Variants in SLCO3A1 observed in about 807,000 individuals in gnomAD.
SLCO3A1 encodes solute carrier organic anion transporter family member 3A1.
A neutral mutation model predicts 63.1 loss-of-function variants in SLCO3A1; 27 were observed. That is an observed-to-expected ratio of 0.43 (90% CI 0.32 to 0.59). SLCO3A1 has a LOEUF of 0.59. Among genes scored for constraint, SLCO3A1 ranks in the 20% least tolerant of loss-of-function variants. The pLI is 0.09. For synonymous variants in SLCO3A1, 473 were observed against 409.9 expected, an observed-to-expected ratio of 1.15 and a Z score of -1.86; for missense variants, 773 against 945.8, an observed-to-expected ratio of 0.82 and a Z score of 2.40.
rs1039243400 is a variant in SLCO3A1 at position 92,126,259 on chromosome 15, G to T, written c.1373G>T (p.Ser458Ile). Residue 458 changes from serine to isoleucine, a missense_variant and splice_region_variant, in exon 6 of 10, where the codon AGC becomes ATC. Physicochemically the swap from Ser to Ile is moderately radical, Grantham distance 142 (BLOSUM62 -2). Around this residue, in one of 3 missense-constraint regions of SLCO3A1, gnomAD observed 565 missense variants for 749.8 expected, o/e 0.75. Coordinates refer to ENST00000318445, the MANE Select transcript of SLCO3A1 (RefSeq NM_013272.4). ...GGGGTTACTGTTCCCTATGGAAACAGGTGAGTACTGGCAGTGTCTGCCGCC... is the reference window on the plus strand; with the variant it reads ...GGGGTTACTGTTCCCTATGGAAACATGTGAGTACTGGCAGTGTCTGCCGCC... ...VAGVTVPYGN[S>I]TAPGSALDPY... 1 of 1,613,576 alleles carries T rather than the reference G, an allele frequency of 6.2e-7. No individual in the cohort carries two copies. Among genetic ancestry groups the T allele is most frequent in the African/African-American group, 1.3e-5 (1 of 74,880 alleles).
intron 3 of SLCO3A1, among the ~76,000 whole-genome samples, chr15:92,095,633 T>C (rs1181993349): frequency 6.6e-6 from 1 of 152,258 alleles, no homozygotes; most frequent in Non-Finnish European, 1.5e-5. Flanking sequence ...TAGACTATTC[T>C]GTGGTGACAG....
chr15:91,938,487 T>TTTG (rs1290386334), intron 2 of SLCO3A1, among the ~76,000 whole-genome samples: 3 of 151,886 alleles, frequency 2.0e-5, no homozygotes, highest in African/African-American at 7.3e-5. Flanking sequence ...TTTTTGTTTT[T>TTTG]TTTTTTTTTT....
rs554528058 is a variant in SLCO3A1 at position 91,890,959 on chromosome 15, C to A, written c.181-25034C>A. Among the ~76,000 whole-genome samples, 3 of 152,240 alleles carry A rather than the reference C, an allele frequency of 2.0e-5. No individual in the cohort carries two copies. The East Asian group carries it at 5.8e-4, about 29-fold the overall frequency. ...TATGATAATATCACAATAATTGCCA[C>A]GTAATGTGTGCATTCTGTCAGAAAA... On this transcript the variant is annotated intron_variant, in intron 1 of 9. Transcript: ENST00000318445.
rs1898125502 is a variant in SLCO3A1 at position 91,900,478 on chromosome 15, T to A, written c.181-15515T>A. ...CCCAGTAGCTGGGATTACAGGTGCA[T>A]GCCACTGTGCCCGGCTAATTTTTGT... On this transcript the variant is annotated intron_variant, in intron 1 of 9. Transcript: ENST00000318445. This position sits in a 1 kb window ranked among gnomAD's most constrained non-coding sequence, Gnocchi z 4.3. 6.6e-6 allele frequency among the ~76,000 whole-genome samples: 1 copy of A among 152,126 alleles called. No homozygotes were observed. The highest frequency in any genetic ancestry group is 1.5e-5 in the Non-Finnish European group (1 of 68,008).
intron 2 of SLCO3A1, among the ~76,000 whole-genome samples, chr15:92,092,014 A>T (rs2047483598): frequency 6.6e-6 from 1 of 152,102 alleles, no homozygotes; most frequent in South Asian, 2.1e-4. Context: ...ATCCCCAGTC[A>T]CTGGCCCATC....
Position 91,862,669 on chromosome 15 carries a change from A to G in SLCO3A1, c.180+8581A>G, listed in dbSNP as rs1897076575. ...TTGTGCAGAGCGTGAAGAAATGAGC[A>G]GGGGCTGATGAGGCTTTTAACAAAT... On this transcript the variant is annotated intron_variant, in intron 1 of 9. Transcript: ENST00000318445. The surrounding 1 kb of genome is among the most constrained non-coding windows in gnomAD (Gnocchi z 4.0). Among the ~76,000 whole-genome samples, 1 of 152,244 alleles carries G rather than the reference A, an allele frequency of 6.6e-6. No homozygotes were observed. The highest frequency in any genetic ancestry group is 2.4e-5 in the African/African-American group (1 of 41,460).
At chr15:91,973,437 A>T (rs1900960789) in intron 2 of SLCO3A1, among the ~76,000 whole-genome samples, 7 of 152,216 alleles carry the variant, frequency 4.6e-5, no homozygotes, top group Admixed American at 4.6e-4. Flanking sequence ...TCAAGATACA[A>T]TTATCTTTAG....
chr15:91,898,294 G>A (rs1313339250), intron 1 of SLCO3A1, among the ~76,000 whole-genome samples: 3 of 152,298 alleles, frequency 2.0e-5, no homozygotes, highest in South Asian at 4.1e-4. Flanking sequence ...TATTCTAGAC[G>A]CTTGAGATCA....
rs74030468 is a variant in SLCO3A1 at position 92,077,302 on chromosome 15, G to A, written c.647-17579G>A. On this transcript the variant is annotated intron_variant, in intron 2 of 9. Coordinates refer to ENST00000318445, the MANE Select transcript of SLCO3A1 (RefSeq NM_013272.4). ...GTCCTTCTATTACCCTGTGGTTGGG[G>A]TAATAGCAGGCCTCCCTTCCCTTCT... Among the ~76,000 whole-genome samples, 4 of 152,230 alleles carry A rather than the reference G, an allele frequency of 2.6e-5. No individual in the cohort carries two copies. The East Asian group carries it at 5.8e-4, about 22-fold the overall frequency.
At chr15:91,995,746 A>C (rs1000929167) in intron 2 of SLCO3A1, among the ~76,000 whole-genome samples, 3 of 151,878 alleles carry the variant, frequency 2.0e-5, no homozygotes, top group Non-Finnish European at 2.9e-5. Context: ...AAAAAAAAAA[A>C]AAAAAACTTG....
chr15:92,076,215 G>A (rs577205594), intron 2 of SLCO3A1, among the ~76,000 whole-genome samples: 1 of 152,318 alleles, frequency 6.6e-6, no homozygotes, highest in East Asian at 1.9e-4. Flanking sequence ...CAAAACCCAT[G>A]GTGTAGGGGC....
chr15:92,157,996 A>T (rs1038261952), intron 9 of SLCO3A1, among the ~76,000 whole-genome samples: 1 of 152,174 alleles, frequency 6.6e-6, no homozygotes, highest in Non-Finnish European at 1.5e-5. Flanking sequence ...CCTCCCAGTC[A>T]CCAAAACTCC....
At chr15:91,921,226 C>T (rs1898833566) in intron 2 of SLCO3A1, among the ~76,000 whole-genome samples, 1 of 152,290 alleles carries the variant, frequency 6.6e-6, no homozygotes, top group South Asian at 2.1e-4. Flanking sequence ...CATACACATC[C>T]CTGGTCTCTC....
chr15:91,887,641 A>G (rs1055142098), intron 1 of SLCO3A1, among the ~76,000 whole-genome samples: 2 of 152,154 alleles, frequency 1.3e-5, no homozygotes, highest in Non-Finnish European at 2.9e-5. Context: ...TAATAAACAG[A>G]TTTCAATCCT....
At chr15:91,984,976 TAGAG>T (rs1191725275) in intron 2 of SLCO3A1, among the ~76,000 whole-genome samples, 6 of 152,178 alleles carry the variant, frequency 3.9e-5, no homozygotes, top group East Asian at 1.9e-4. Context: ...AGATCATACA[TAGAG>T]AGAAGCACAT....
chr15:92,149,534 T>TC (rs754581810), intron 8 of SLCO3A1: 2 of 152,266 alleles, frequency 1.3e-5, no homozygotes, highest in Non-Finnish European at 2.9e-5. Flanking sequence ...GCCCAGCCCC[T>TC]CTTAGGCCCC....
At chr15:92,032,500 G>C (rs866062140) in intron 2 of SLCO3A1, among the ~76,000 whole-genome samples, 5 of 152,290 alleles carry the variant, frequency 3.3e-5, no homozygotes, top group Middle Eastern at 3.4e-3. Context: ...GGGGTGGTGA[G>C]GGTGTGTATG....
intron 2 of SLCO3A1, among the ~76,000 whole-genome samples, chr15:91,963,823 T>C (rs1160609727): frequency 6.6e-6 from 1 of 152,016 alleles, no homozygotes; most frequent in East Asian, 1.9e-4. Flanking sequence ...AGCAGCAAGA[T>C]TTATTGTGAA....
In SLCO3A1 at chr15:92,164,602, A is replaced by G. The variant is rs2048477489; in HGVS notation, c.*1467A>G. On this transcript the variant is annotated 3_prime_UTR_variant, in exon 10 of 10. Transcript: ENST00000318445. ...CAGTTCCCTAACACAAGCTGTTAAG[A>G]AGTCTGTAGCATCTCTGATAACGAA... 1 of 922,638 alleles carries G rather than the reference A, an allele frequency of 1.1e-6. No individual in the cohort carries two copies. Among genetic ancestry groups the G allele is most frequent in the South Asian group, 5.0e-5 (1 of 19,996 alleles). 57.2% of individuals were successfully genotyped at this position (922,638 alleles called of 1,614,324 possible).
Sources: gnomAD v4.1 joint callset for allele counts (sites outside exome capture counted in the v4.1 genomes callset) on GRCh38, gnomAD v4.1.1 for gene constraint, gnomAD v4.1.1 regional missense constraint, Gnocchi (gnomAD v3.1) non-coding constraint, MANE v1.5 for transcripts, NCBI Gene and HGNC (gene_info 2026-07-23, HGNC 2026-07-21) for gene names.